Variants in DNAH7 observed in about 807,000 individuals in gnomAD.
DNAH7 encodes the protein axonemal beta dynein heavy chain 7.
A neutral mutation model predicts 444.6 loss-of-function variants in DNAH7; 397 were observed. The observed-to-expected ratio is 0.89, with a 90% CI of 0.82 to 0.97. The LOEUF (loss-of-function observed/expected upper bound fraction) is 0.97. Ranked by LOEUF, DNAH7 falls within the 50% of genes least tolerant of loss-of-function variation. The probability of loss-of-function intolerance (pLI) is 0.00; values close to 1 mark genes in which losing one functional copy is unlikely to be tolerated. For synonymous variants in DNAH7, 1,636 were observed against 1,624.4 expected (o/e 1.01, Z -0.17); for missense variants, 4,902 against 4,800.8 (o/e 1.02, Z -0.62).
chr2:196,013,622 A>G (rs1415385110), intron 9 of DNAH7, among the ~76,000 whole-genome samples: 4 of 152,154 alleles, frequency 2.6e-5, no homozygotes, highest in Non-Finnish European at 5.9e-5. Context: ...CTATTTCCTT[A>G]TATTTCTTCC....
chr2:195,777,218 T>G (rs1333838209), intron 59 of DNAH7, among the ~76,000 whole-genome samples: 4 of 152,180 alleles, frequency 2.6e-5, no homozygotes, highest in Non-Finnish European at 5.9e-5. Context: ...TCCACTGTGA[T>G]CATCAGAAGG....
chr2:195,969,853 T>C (rs1691724739), intron 17 of DNAH7, 95 bp downstream of exon 17: 1 of 1,251,918 alleles, frequency 8.0e-7, no homozygotes, highest in Non-Finnish European at 1.1e-6. Context: ...GTTACTGTTT[T>C]ATTTGAATCT....
intron 54 of DNAH7, among the ~76,000 whole-genome samples, chr2:195,800,322 T>C (rs1377668110): frequency 1.3e-5 from 2 of 152,242 alleles, no homozygotes; most frequent in African/African-American, 4.8e-5. Context: ...TGTATATTTG[T>C]AGCTGCTATT....
intron 17 of DNAH7, among the ~76,000 whole-genome samples, chr2:195,967,913 G>A (rs1265671927): frequency 6.6e-6 from 1 of 151,964 alleles, no homozygotes; most frequent in African/African-American, 2.4e-5. Flanking sequence ...TACTAAGCTT[G>A]AACCCAAACC....
At chr2:195,879,035 A>C (rs947557560) in intron 36 of DNAH7, among the ~76,000 whole-genome samples, 1 of 152,206 alleles carries the variant, frequency 6.6e-6, no homozygotes, top group Non-Finnish European at 1.5e-5. Context: ...TAAATAGTTT[A>C]CGTACCCTTC....
At chr2:195,896,740 G>A (rs1253091613) in intron 29 of DNAH7, among the ~76,000 whole-genome samples, 1 of 152,034 alleles carries the variant, frequency 6.6e-6, no homozygotes, top group African/African-American at 2.4e-5. Context: ...ACAAATTGAG[G>A]GAAAACTTTA....
intron 7 of DNAH7, among the ~76,000 whole-genome samples, chr2:196,026,034 A>C (rs1695667504): frequency 6.6e-6 from 1 of 152,200 alleles, no homozygotes. Flanking sequence ...TCAGCCTTAG[A>C]ATCTATTTGT....
intron 63 of DNAH7, among the ~76,000 whole-genome samples, chr2:195,745,941 C>G (rs1693373852): frequency 6.6e-6 from 1 of 152,202 alleles, no homozygotes; most frequent in South Asian, 2.1e-4. Context: ...ACTGCATCAA[C>G]TAACGAGCAA....
chr2:195,745,955 A>C lies in DNAH7; in HGVS notation c.11765-5086T>G, dbSNP rs764977309. 1.8e-4 allele frequency among the ~76,000 whole-genome samples: 27 copies of C among 152,336 alleles called. No homozygotes were observed. The Middle Eastern group carries it at 0.017, about 96-fold the overall frequency. On this transcript the variant is annotated intron_variant, in intron 63 of 64. Coordinates refer to ENST00000312428, the MANE Select transcript of DNAH7 (RefSeq NM_018897.3). Reference sequence around the variant, plus strand: ...AACTGCATCAACTAACGAGCAAAATAACCAGTTAACATCATAATGACACAA... The same window carrying C: ...AACTGCATCAACTAACGAGCAAAATCACCAGTTAACATCATAATGACACAA...
rs775337704 is a variant in DNAH7 at position 195,816,734 on chromosome 2, C to T, written c.9655G>A (p.Asp3219Asn). 6.2e-6 allele frequency: 10 copies of T among 1,614,094 alleles called. 1 individual carries two copies. In the South Asian group the frequency reaches 9.9e-5, roughly 16 times the overall value. The change falls in exon 51 of 65, where the codon GAT (aspartate) becomes AAT (asparagine). Residue 3219 changes from aspartate to asparagine, a missense_variant. Physicochemically the swap from Asp to Asn is conservative, Grantham distance 23. Transcript: ENST00000312428. ...HSSILFFSLA[D>N]LANIEPMYQY... ...TACATGGGCTCAATGTTGGCTAAAT[C>T]AGCAAGAGAAAAAAATAGGATGGAA...
rs190101699 is a variant in DNAH7 at position 195,951,039 on chromosome 2, C to T, written c.3078+6222G>A. Among the ~76,000 whole-genome samples the T allele has an allele frequency of 7.2e-5, 11 of 151,964 alleles. No individual in the cohort carries two copies. In the East Asian group the frequency reaches 1.4e-3, roughly 19 times the overall value. On this transcript the variant is annotated intron_variant, in intron 19 of 64. Coordinates refer to ENST00000312428, the MANE Select transcript of DNAH7 (RefSeq NM_018897.3). ...TAAATTGTGATGTTAGGGTGTCTGT[C>T]GATTTTAGATCTTTCCCACTTTCTC...
chr2:195,798,323 A>G (rs1289955453), intron 55 of DNAH7, among the ~76,000 whole-genome samples: 1 of 152,198 alleles, frequency 6.6e-6, no homozygotes, highest in African/African-American at 2.4e-5. Context: ...GTATACATTA[A>G]GCACTCAATA....
At chr2:196,050,581 A>G (rs1697403565) in intron 3 of DNAH7, among the ~76,000 whole-genome samples, 1 of 152,180 alleles carries the variant, frequency 6.6e-6, no homozygotes, top group Non-Finnish European at 1.5e-5. Flanking sequence ...GAGTCACAAG[A>G]CTGTAACTTG....
rs774700719 is a variant in DNAH7, at chr2:196,024,438, T to C, written c.734A>G (p.His245Arg). ...DDKKTDELPA[H>R]RAEMEILPKP... ...AAATCTGATCACTTACTCAGCACGA[T>C]GGGCTGGAAGTTCATCTGTCTTCTT... The change falls in exon 8 of 65, where the codon CAT becomes CGT. Residue 245 changes from histidine to arginine, a missense_variant. His to Arg is a conservative substitution (Grantham distance 29). Transcript: ENST00000312428. 3 of 1,584,356 alleles carry C rather than the reference T, an allele frequency of 1.9e-6. No homozygotes were observed. Among genetic ancestry groups the C allele is most frequent in the Non-Finnish European group, 2.6e-6 (3 of 1,167,770 alleles).
chr2:196,023,969 A>G (rs1559345050), intron 8 of DNAH7, among the ~76,000 whole-genome samples: 1 of 152,138 alleles, frequency 6.6e-6, no homozygotes, highest in African/African-American at 2.4e-5. Flanking sequence ...AACACACACA[A>G]CATTTATTGA....
In DNAH7 at chr2:195,876,643, G is replaced by A; in HGVS notation, c.6018C>T (p.Phe2006=). The part of the protein sequence containing the change: ...KEIYKPLLIN[F]SAQTTAAQTQ... ...TTTGAGCTGCTGTAGTTTGTGCTGA[G>A]AAGTTAATTAGCAGAGGTTTGTAGA... Residue 2006 remains phenylalanine (F), a synonymous_variant, in exon 37 of 65, where the codon TTC becomes TTT. Transcript: ENST00000312428. The A allele has an allele frequency of 6.2e-7, 1 of 1,610,778 alleles. No homozygotes were observed. The highest frequency in any genetic ancestry group is 8.5e-7 in the Non-Finnish European group (1 of 1,177,162).
At position 195,758,644 on chromosome 2, in the gene DNAH7, G is replaced by A. The variant is rs116030928; in HGVS notation, c.11434-2359C>T. Among the ~76,000 whole-genome samples the A allele has an allele frequency of 3.6e-3, 545 of 152,310 alleles. 1 individual carries two copies. The highest frequency in any genetic ancestry group is 5.8e-3 in the Non-Finnish European group (395 of 68,028). ...TAATCACTGAAAGAGGCACTGAAGA[G>A]GGCAGGAAAGACAGTCTTGAATTGC... On this transcript the variant is annotated intron_variant, in intron 61 of 64. Coordinates refer to ENST00000312428, the MANE Select transcript of DNAH7 (RefSeq NM_018897.3).
chr2:195,774,848 A>G (rs1694993482), intron 60 of DNAH7, among the ~76,000 whole-genome samples: 1 of 152,236 alleles, frequency 6.6e-6, no homozygotes, highest in African/African-American at 2.4e-5. Context: ...AAGATCAGTT[A>G]CAATTCAGTT....
chr2:195,879,409 A>G (rs1701246459), intron 36 of DNAH7, among the ~76,000 whole-genome samples: 1 of 152,202 alleles, frequency 6.6e-6, no homozygotes, highest in Admixed American at 6.5e-5. Context: ...AAATCAGACC[A>G]TTATCAGAAT....
Sources: gnomAD v4.1 joint callset for allele counts (sites outside exome capture counted in the v4.1 genomes callset) on GRCh38, gnomAD v4.1.1 for gene constraint, MANE v1.5 for transcripts, NCBI Gene and HGNC (gene_info 2026-07-23, HGNC 2026-07-21) for gene names.